The following STXBP5L variants were observed in gnomAD, a reference collection of about 807,000 sequenced individuals.
STXBP5L encodes syntaxin binding protein 5L.
A neutral mutation model predicts 144.5 loss-of-function variants in STXBP5L; 65 were observed. The ratio of observed to expected loss-of-function variants is 0.45; its 90% CI spans 0.37 to 0.55. The LOEUF is 0.55. STXBP5L is among the 20% of genes least tolerant of loss of function. The pLI is 0.00. For missense variants in STXBP5L, 1,298 were observed against 1,405.5 expected (o/e 0.92, Z 1.22); for synonymous variants, 505 against 469.6 (o/e 1.08, Z -0.97).
intron 5 of STXBP5L, among the ~76,000 whole-genome samples, chr3:121,051,103 C>T (rs1225531342): frequency 1.3e-5 from 2 of 152,286 alleles, no homozygotes; most frequent in African/African-American, 4.8e-5. Context: ...GAGTGACCTA[C>T]AAAGAGACTT....
At chr3:121,140,996 G>C (rs1287337405) in intron 7 of STXBP5L, among the ~76,000 whole-genome samples, 1 of 151,918 alleles carries the variant, frequency 6.6e-6, no homozygotes, top group Non-Finnish European at 1.5e-5. Context: ...TGTTATATGT[G>C]ATAAAAACAT....
At chr3:121,054,016 A>C (rs1338524445) in intron 5 of STXBP5L, among the ~76,000 whole-genome samples, 3 of 152,232 alleles carry the variant, frequency 2.0e-5, no homozygotes, top group Non-Finnish European at 2.9e-5. Context: ...GCCATCAGAG[A>C]AATGCAAATC....
chr3:121,384,113 A>C (rs567489031), intron 22 of STXBP5L, among the ~76,000 whole-genome samples: 1 of 152,294 alleles, frequency 6.6e-6, no homozygotes, highest in South Asian at 2.1e-4. Flanking sequence ...CTCATTCAAC[A>C]AACATTTACC....
At chr3:121,043,795 T>A (rs551157751) in intron 4 of STXBP5L, among the ~76,000 whole-genome samples, 109 of 152,348 alleles carry the variant, frequency 7.2e-4, no homozygotes, top group African/African-American at 2.5e-3. Flanking sequence ...GAATATATGC[T>A]ACTTTAATAA....
At chr3:120,929,248 C>T (rs1709795513) in intron 2 of STXBP5L, among the ~76,000 whole-genome samples, 1 of 152,104 alleles carries the variant, frequency 6.6e-6, no homozygotes, top group African/African-American at 2.4e-5. Flanking sequence ...GGTTTGACTT[C>T]CCAGACTGGT....
intron 9 of STXBP5L, among the ~76,000 whole-genome samples, chr3:121,175,958 A>G (rs1260260645): frequency 6.6e-6 from 1 of 152,086 alleles, no homozygotes; most frequent in Non-Finnish European, 1.5e-5. Flanking sequence ...TATTAGAGAC[A>G]AAGAGTGGCA....
intron 18 of STXBP5L, among the ~76,000 whole-genome samples, chr3:121,272,617 G>A (rs2050764577): frequency 6.6e-6 from 1 of 152,098 alleles, no homozygotes; most frequent in Non-Finnish European, 1.5e-5. Flanking sequence ...TACATTTAAA[G>A]TAATGATTAG....
intron 8 of STXBP5L, among the ~76,000 whole-genome samples, 180 bp from the exon 9 acceptor site, chr3:121,157,324 G>C (rs561411375): frequency 6.6e-6 from 1 of 152,170 alleles, no homozygotes; most frequent in East Asian, 1.9e-4. Flanking sequence ...GGCTATGTGA[G>C]GAGGAAATAG....
intron 3 of STXBP5L, among the ~76,000 whole-genome samples, chr3:120,983,682 T>C (rs1942020096): frequency 6.6e-6 from 1 of 152,134 alleles, no homozygotes; most frequent in South Asian, 2.1e-4. Flanking sequence ...AAATCTATTA[T>C]AGGAGTGTGG....
At chr3:121,184,952 A>G (rs929993598) in intron 9 of STXBP5L, among the ~76,000 whole-genome samples, 3 of 152,196 alleles carry the variant, frequency 2.0e-5, no homozygotes, top group African/African-American at 7.2e-5. Flanking sequence ...AGAATTTCAT[A>G]TCCAGCCAAA....
At chr3:121,206,272 C>A (rs2048332645) in intron 10 of STXBP5L, among the ~76,000 whole-genome samples, 1 of 152,000 alleles carries the variant, frequency 6.6e-6, no homozygotes, top group Non-Finnish European at 1.5e-5. Context: ...GACTTCTGGC[C>A]ATGCATATTA....
chr3:120,981,962 G>A (rs553953803), intron 3 of STXBP5L, among the ~76,000 whole-genome samples: 1 of 152,194 alleles, frequency 6.6e-6, no homozygotes, highest in Non-Finnish European at 1.5e-5. Flanking sequence ...GATAGCCTTT[G>A]TGCAGTGGCT....
At chr3:120,913,719 A>G (rs1231843729) in intron 2 of STXBP5L, among the ~76,000 whole-genome samples, 1 of 152,020 alleles carries the variant, frequency 6.6e-6, no homozygotes, top group Non-Finnish European at 1.5e-5. Flanking sequence ...GTAAGAAATT[A>G]CATGCTTTTG....
At chr3:121,113,530 T>C (rs934097516) in intron 5 of STXBP5L, among the ~76,000 whole-genome samples, 2 of 152,122 alleles carry the variant, frequency 1.3e-5, no homozygotes, top group African/African-American at 2.4e-5. Context: ...GAGCTTTTAA[T>C]TTTTTGAATG....
intron 3 of STXBP5L, among the ~76,000 whole-genome samples, chr3:120,956,908 A>G (rs1175288400): frequency 3.3e-5 from 5 of 151,896 alleles, no homozygotes; most frequent in Non-Finnish European, 7.4e-5. Context: ...ACCAAATCCA[A>G]TGGAATGAAG....
chr3:121,095,890 C>A (rs1458427410), intron 5 of STXBP5L, among the ~76,000 whole-genome samples: 2 of 152,116 alleles, frequency 1.3e-5, no homozygotes, highest in Non-Finnish European at 2.9e-5. Flanking sequence ...AGCTTTTCCC[C>A]TCTGTTTTTT....
chr3:121,010,897 T>C (rs1239631502), intron 3 of STXBP5L, among the ~76,000 whole-genome samples: 1 of 151,636 alleles, frequency 6.6e-6, no homozygotes, highest in Non-Finnish European at 1.5e-5. Flanking sequence ...TGTCTTGCTG[T>C]CTGGGGTGGC....
intron 9 of STXBP5L, among the ~76,000 whole-genome samples, chr3:121,169,675 A>G (rs375907100): frequency 2.0e-5 from 3 of 152,160 alleles, no homozygotes; most frequent in South Asian, 4.1e-4. Flanking sequence ...CAACCAATAC[A>G]GGAGCACCCA....
At chr3:120,944,647 A>G (rs779120789) in intron 2 of STXBP5L, among the ~76,000 whole-genome samples, 1 of 151,792 alleles carries the variant, frequency 6.6e-6, no homozygotes, top group African/African-American at 2.4e-5. Flanking sequence ...TCCATCGCCA[A>G]TGACCAGTGG....
Sources: allele counts gnomAD v4.1 joint callset (sites outside exome capture counted in the v4.1 genomes callset), GRCh38; gene constraint gnomAD v4.1.1; transcripts MANE v1.5; gene names NCBI Gene and HGNC (gene_info 2026-07-23, HGNC 2026-07-21).